ANO4: variants seen among roughly 807,000 people sequenced by gnomAD.
The protein encoded by ANO4 is anoctamin 4.
ANO4 carries 69 observed loss-of-function variants against 141.9 expected under a neutral mutation model. The observed-to-expected ratio is 0.49, with a 90% CI of 0.40 to 0.59. The LOEUF (loss-of-function observed/expected upper bound fraction) is 0.59. ANO4 is among the 20% of genes least tolerant of loss of function. The pLI is 0.00. For missense variants in ANO4, 894 were observed against 1,162.2 expected (o/e 0.77, Z 3.36); for synonymous variants, 350 against 394.3 (o/e 0.89, Z 1.33).
At chr12:100,921,232 T>C (rs2041618222) in intron 2 of ANO4, among the ~76,000 whole-genome samples, 1 of 152,136 alleles carries the variant, frequency 6.6e-6, no homozygotes, top group African/African-American at 2.4e-5. Flanking sequence ...TATTTTCTAT[T>C]AAATATAATA....
intron 9 of ANO4, among the ~76,000 whole-genome samples, chr12:101,025,001 A>G (rs906669839): frequency 2.6e-5 from 4 of 152,216 alleles, no homozygotes; most frequent in Admixed American, 6.5e-5. Flanking sequence ...CATAGGTAGC[A>G]TTCCTCTCAA....
chr12:100,942,198 C>T (rs1217430457), intron 4 of ANO4, among the ~76,000 whole-genome samples, 179 bp from the exon 5 acceptor site: 2 of 152,072 alleles, frequency 1.3e-5, no homozygotes, highest in Admixed American at 6.5e-5. Flanking sequence ...CCAGGCTGGT[C>T]TCGAACTCCT....
intron 5 of ANO4, among the ~76,000 whole-genome samples, chr12:100,970,806 C>T (rs749731600): frequency 6.4e-4 from 98 of 151,956 alleles, no homozygotes; most frequent in Non-Finnish European, 1.1e-3. Flanking sequence ...GCAACCTCCA[C>T]CTTTCGGGTT....
intron 3 of ANO4, among the ~76,000 whole-genome samples, chr12:100,784,419 A>G (rs1449256834): frequency 6.6e-6 from 1 of 152,164 alleles, no homozygotes; most frequent in African/African-American, 2.4e-5. Flanking sequence ...GGGTTTATTC[A>G]GTATTTCCTT....
chr12:100,726,521 G>C (rs1166777739), intron 1 of ANO4, among the ~76,000 whole-genome samples: 1 of 152,222 alleles, frequency 6.6e-6, no homozygotes, highest in Non-Finnish European at 1.5e-5. Context: ...CTGTAGATCA[G>C]TGCTGCTCAG....
chr12:100,774,826 G>A (rs7131704), intron 3 of ANO4, among the ~76,000 whole-genome samples: 4,705 of 152,254 alleles, frequency 0.031, 244 homozygotes, highest in African/African-American at 0.11. Context: ...AACCGATTTT[G>A]TTTCCTTGGA....
At chr12:101,076,574 C>A (rs1251546701) in intron 14 of ANO4, among the ~76,000 whole-genome samples, 1 of 152,170 alleles carries the variant, frequency 6.6e-6, no homozygotes, top group Non-Finnish European at 1.5e-5. Flanking sequence ...ACTGGCTCAT[C>A]TTAGAAGTCA....
chr12:100,799,612 G>A (rs762835849), intron 1 of ANO4, among the ~76,000 whole-genome samples: 4 of 152,026 alleles, frequency 2.6e-5, no homozygotes, highest in Non-Finnish European at 4.4e-5. Context: ...ATGGTGGGGC[G>A]CGCCTGTAAT....
Position 100,826,504 on chromosome 12 carries a change from G to C in ANO4, c.-141+31477G>C, listed in dbSNP as rs1044189087. Among the ~76,000 whole-genome samples, 19 of 151,880 alleles carry C rather than the reference G, an allele frequency of 1.3e-4. 1 individual carries two copies. The highest frequency in any genetic ancestry group is 4.1e-4 in the African/African-American group (17 of 41,350). On this transcript the variant is annotated intron_variant, in intron 1 of 27. Coordinates refer to ENST00000392977, the MANE Select transcript of ANO4 (RefSeq NM_001286615.2). Reference sequence around the variant, plus strand: ...TTCTGTGTTTTTCTTTTTGTATTTGGTCCATACCAGCGTGTTGGGTGCTGT... The same window carrying C: ...TTCTGTGTTTTTCTTTTTGTATTTGCTCCATACCAGCGTGTTGGGTGCTGT...
chr12:100,786,748 G>T (rs1221071519), intron 3 of ANO4, among the ~76,000 whole-genome samples: 1 of 152,198 alleles, frequency 6.6e-6, no homozygotes, highest in African/African-American at 2.4e-5. Context: ...ATCTTTGTGG[G>T]ATAAATTAAT....
chr12:100,960,737 A>T (rs139130666), intron 5 of ANO4, among the ~76,000 whole-genome samples: 1 of 152,174 alleles, frequency 6.6e-6, no homozygotes, highest in East Asian at 1.9e-4. Flanking sequence ...TCTGCAGCGT[A>T]CTAAGGGCAT....
intron 14 of ANO4, among the ~76,000 whole-genome samples, chr12:101,052,374 C>G (rs553087524): frequency 6.6e-6 from 1 of 152,108 alleles, no homozygotes; most frequent in African/African-American, 2.4e-5. Context: ...CTAAATAACT[C>G]CTCTCCCGAG....
intron 26 of ANO4, among the ~76,000 whole-genome samples, chr12:101,121,337 A>C (rs764253292): frequency 8.6e-5 from 13 of 151,978 alleles, no homozygotes; most frequent in Non-Finnish European, 1.5e-4. Context: ...TGCAGTGTTT[A>C]GTTTTCAGTT....
intron 8 of ANO4, among the ~76,000 whole-genome samples, 175 bp from the exon 9 acceptor site, chr12:101,019,859 A>G (rs1183480212): frequency 6.6e-6 from 1 of 152,152 alleles, no homozygotes; most frequent in Non-Finnish European, 1.5e-5. Context: ...AAAACTACTC[A>G]TACCTATGAG....
chr12:100,987,100 AC>A (rs895917825), intron 7 of ANO4: 3 of 157,872 alleles, frequency 1.9e-5, no homozygotes, highest in Non-Finnish European at 4.2e-5. Flanking sequence ...TGCTGCCAGC[AC>A]CCCCTCCCGA....
intron 2 of ANO4, among the ~76,000 whole-genome samples, chr12:100,739,118 T>C (rs1345147880): frequency 6.8e-6 from 1 of 147,982 alleles, no homozygotes; most frequent in Non-Finnish European, 1.5e-5. Context: ...AAAATCTTTA[T>C]AATTTAATGT....
chr12:100,838,971 C>T (rs2037092880), intron 1 of ANO4, among the ~76,000 whole-genome samples: 1 of 152,136 alleles, frequency 6.6e-6, no homozygotes, highest in Admixed American at 6.5e-5. Flanking sequence ...AGACTAAAAG[C>T]AGGTTCCCTA....
intron 1 of ANO4, among the ~76,000 whole-genome samples, chr12:100,724,166 A>C (rs1167699142): frequency 6.6e-6 from 1 of 152,244 alleles, no homozygotes; most frequent in Non-Finnish European, 1.5e-5. Context: ...TAGGAAAGGA[A>C]AGGCTTTTCT....
chr12:100,947,994 T>C (rs2042797452), intron 5 of ANO4, among the ~76,000 whole-genome samples: 2 of 151,788 alleles, frequency 1.3e-5, no homozygotes, highest in South Asian at 4.2e-4. Context: ...CCATCCTGGC[T>C]AACATGGTGA....
Sources: gnomAD v4.1 joint callset for allele counts (sites outside exome capture counted in the v4.1 genomes callset) on GRCh38, gnomAD v4.1.1 for gene constraint, MANE v1.5 for transcripts, NCBI Gene and HGNC (gene_info 2026-07-23, HGNC 2026-07-21) for gene names.